Variants in ANKRD13B observed in about 807,000 individuals in gnomAD.
ANKRD13B encodes ankyrin repeat domain-containing protein 13B.
Under a neutral mutation model 74.4 loss-of-function variants are expected in ANKRD13B, and 33 were observed. That is an observed-to-expected ratio of 0.44 (90% confidence interval 0.34 to 0.59). The LOEUF (loss-of-function observed/expected upper bound fraction) is 0.59. ANKRD13B is among the 20% of genes least tolerant of loss of function. The probability of loss-of-function intolerance (pLI) is 0.02; values close to 1 mark genes in which losing one functional copy is unlikely to be tolerated. For synonymous variants in ANKRD13B, 341 were observed against 362.9 expected (o/e 0.94, Z 0.68); for missense variants, 676 against 877.9 (o/e 0.77, Z 2.91).
Position 29,611,202 on chromosome 17 carries a change from AG to A in ANKRD13B, c.905-373del, listed in dbSNP as rs2034567760. On this transcript the variant is annotated intron_variant, in intron 8 of 14. Transcript: ENST00000394859. This position sits in a 1 kb window ranked among gnomAD's most constrained non-coding sequence, Gnocchi z 4.3. ...TGAAAAAGCATAATTTCTACCTCAC[AG>A]GGGAACAACATGAAATCATGCCTAT... Among the ~76,000 whole-genome samples the A allele has an allele frequency of 6.6e-6, 1 of 152,220 alleles. No homozygotes were observed.
In ANKRD13B at chr17:29,613,362, C is replaced by T. The variant is rs1327232458; in HGVS notation, c.1661C>T (p.Pro554Leu). 3 of 1,461,730 alleles carry T rather than the reference C, an allele frequency of 2.1e-6. No individual in the cohort carries two copies. The highest frequency in any genetic ancestry group is 9.0e-7 in the Non-Finnish European group (1 of 1,115,016). 90.5% of individuals were successfully genotyped at this position (1,461,730 alleles called of 1,614,324 possible). ...TCCTTCCCCACCCCCAGGAGCGCCC[C>T]GCCCACGCCGCAGCGCCAGCCTGCG... ...YEGRRQDRSA[P>L]PTPQRQPAPP... Residue 554 changes from proline to leucine, a missense_variant, in exon 15 of 15, where the codon CCG (proline) becomes CTG (leucine). By Grantham distance (98) the Pro-to-Leu change is moderately conservative (BLOSUM62 -3). Coordinates refer to ENST00000394859, the MANE Select transcript of ANKRD13B (RefSeq NM_152345.5).
In ANKRD13B at chr17:29,593,754, C is replaced by T; in HGVS notation, c.114+19C>T. On this transcript the variant is annotated intron_variant, in intron 1 of 14. Coordinates refer to ENST00000394859, the MANE Select transcript of ANKRD13B (RefSeq NM_152345.5). ...GGGCCAGGTAGGAGCGCCTTCGGGG[C>T]GCCGCGGGGACCCCGCGGCCGGGCA... The T allele has an allele frequency of 7.3e-7, 1 of 1,360,584 alleles. No homozygotes were observed. The highest frequency in any genetic ancestry group is 3.4e-5 in the Admixed American group (1 of 29,216). 84.3% of individuals were successfully genotyped at this position (1,360,584 alleles called of 1,614,324 possible).
At chr17:29,600,022 G>A (rs1001919869) in intron 1 of ANKRD13B, among the ~76,000 whole-genome samples, 24 of 151,512 alleles carry the variant, frequency 1.6e-4, no homozygotes, top group African/African-American at 2.9e-4. Context: ...GACTACAGGC[G>A]CCCGCCACCA....
intron 8 of ANKRD13B, 144 bp downstream of exon 8, chr17:29,610,910 C>A: frequency 1.2e-6 from 1 of 829,766 alleles, no homozygotes; most frequent in Non-Finnish European, 1.9e-6. Flanking sequence ...AATTCAGGTG[C>A]CAAGCCCTAA....
chr17:29,594,800 A>G (rs2033895609), intron 1 of ANKRD13B, among the ~76,000 whole-genome samples: 1 of 152,090 alleles, frequency 6.6e-6, no homozygotes, highest in East Asian at 1.9e-4. Flanking sequence ...TTACCTTCTG[A>G]GGGCTGCTTA....
chr17:29,607,162 A>G (rs572192958), intron 1 of ANKRD13B, among the ~76,000 whole-genome samples: 6 of 152,352 alleles, frequency 3.9e-5, no homozygotes, highest in Non-Finnish European at 8.8e-5. Flanking sequence ...GATTTGTACA[A>G]ATTTTAATGC....
In ANKRD13B at chr17:29,608,859, G is replaced by C; in HGVS notation, c.430G>C (p.Val144Leu). 1 of 1,614,134 alleles carries C rather than the reference G, an allele frequency of 6.2e-7. No individual in the cohort carries two copies. The highest frequency in any genetic ancestry group is 1.1e-5 in the South Asian group (1 of 91,086). Residue 144 changes from valine (V) to leucine (L), a missense_variant, in exon 5 of 15, where the codon GTG (valine) becomes CTG (leucine). Val to Leu is a conservative substitution (Grantham distance 32). Coordinates refer to ENST00000394859, the MANE Select transcript of ANKRD13B (RefSeq NM_152345.5). The surrounding 1 kb of genome is among the most constrained non-coding windows in gnomAD (Gnocchi z 6.4). ...KWEFTSWVPL[V>L]SKICPSDTYK... The stretch of plus-strand genomic sequence containing the variant: ...ACCTCCGCTTCCACCAGTGCCCCTG[G>C]TGTCCAAGATCTGCCCTAGTGACAC...
rs1415218763 is a variant in ANKRD13B, at chr17:29,613,507, G to A, written c.1806G>A (p.Glu602=). The A allele has an allele frequency of 2.0e-6, 3 of 1,529,678 alleles. No homozygotes were observed. Among genetic ancestry groups the A allele is most frequent in the Non-Finnish European group, 2.6e-6 (3 of 1,140,634 alleles). 94.8% of individuals were successfully genotyped at this position (1,529,678 alleles called of 1,614,324 possible). Residue 602 remains glutamate, a synonymous_variant, in exon 15 of 15, where the codon GAG becomes GAA. Coordinates refer to ENST00000394859, the MANE Select transcript of ANKRD13B (RefSeq NM_152345.5). The part of the protein sequence containing the change: ...LAMELSAQEQ[E]ERRRRARQEE... ...TGGAACTGTCGGCGCAGGAGCAGGA[G>A]GAGAGGCGGCGGCGCGCGCGCCAGG...
chr17:29,599,865 G>GTTGTTGTTTT (rs2034090930), intron 1 of ANKRD13B, among the ~76,000 whole-genome samples: 1 of 50,772 alleles, frequency 2.0e-5, no homozygotes, highest in African/African-American at 7.4e-5. Context: ...CATCTAATTT[G>GTTGTTGTTTT]TTTTTTTTTT....
At chr17:29,598,285 A>G (rs2034031007) in intron 1 of ANKRD13B, among the ~76,000 whole-genome samples, 1 of 152,168 alleles carries the variant, frequency 6.6e-6, no homozygotes, top group Non-Finnish European at 1.5e-5. Context: ...AATTATATAA[A>G]TAATCTTAAA....
At chr17:29,607,688 G>A in intron 1 of ANKRD13B, 54 bp from the exon 2 acceptor site, 1 of 1,556,860 alleles carries the variant, frequency 6.4e-7, no homozygotes, top group Non-Finnish European at 8.7e-7. Context: ...TGGCTCCGGA[G>A]GGCTGCCTCC....
intron 7 of ANKRD13B, 94 bp from the exon 8 acceptor site, chr17:29,610,591 C>A (rs1357227107): frequency 9.2e-7 from 1 of 1,082,920 alleles, no homozygotes; most frequent in Non-Finnish European, 1.3e-6. Context: ...CTCTCCAGGA[C>A]CCTTTGCTAC....
rs544986780 is a variant in ANKRD13B at position 29,609,708 on chromosome 17, G to A, written c.822+287G>A. ...TTCCCATTTTACGCATGTTTATTGAGTCCTTTCCTTGGCATCCCATTTACT... is the reference window on the plus strand; with the variant it reads ...TTCCCATTTTACGCATGTTTATTGAATCCTTTCCTTGGCATCCCATTTACT... On this transcript the variant is annotated intron_variant, in intron 7 of 14. Coordinates refer to ENST00000394859, the MANE Select transcript of ANKRD13B (RefSeq NM_152345.5). The surrounding 1 kb of genome is among the most constrained non-coding windows in gnomAD (Gnocchi z 4.0). 1.3e-5 allele frequency among the ~76,000 whole-genome samples: 2 copies of A among 152,314 alleles called. No individual in the cohort carries two copies. Among genetic ancestry groups the A allele is most frequent in the South Asian group, 4.1e-4 (2 of 4,828 alleles).
chr17:29,610,190 T>TA (rs770944356), intron 7 of ANKRD13B, among the ~76,000 whole-genome samples: 5,936 of 95,438 alleles, frequency 0.062, 185 homozygotes, highest in Middle Eastern at 0.1. Flanking sequence ...AGACTCCATC[T>TA]AAAAAAAAAA....
rs1410853383 is a variant in ANKRD13B, at chr17:29,609,948, C to T, written c.822+527C>T. Reference sequence around the variant, plus strand: ...GTGGCTCATGCCTGTAATCCCAGCGCTTTGGGAGGCCGAGGTGAGCGGATC... The same window carrying T: ...GTGGCTCATGCCTGTAATCCCAGCGTTTTGGGAGGCCGAGGTGAGCGGATC... On this transcript the variant is annotated intron_variant, in intron 7 of 14. Transcript: ENST00000394859. This position sits in a 1 kb window ranked among gnomAD's most constrained non-coding sequence, Gnocchi z 4.0. Among the ~76,000 whole-genome samples, 1 of 152,074 alleles carries T rather than the reference C, an allele frequency of 6.6e-6. No homozygotes were observed. The highest frequency in any genetic ancestry group is 1.5e-5 in the Non-Finnish European group (1 of 68,012).
chr17:29,609,215 G>A lies in ANKRD13B; in HGVS notation c.695G>A (p.Ser232Asn), dbSNP rs2034493547. 6.8e-6 allele frequency: 11 copies of A among 1,612,992 alleles called. No individual in the cohort carries two copies. The highest frequency in any genetic ancestry group is 9.3e-6 in the Non-Finnish European group (11 of 1,179,998). Residue 232 changes from serine to asparagine, a missense_variant, in exon 6 of 15, where the codon AGC (serine) becomes AAC (asparagine). Around this residue, in one of 4 missense-constraint regions of ANKRD13B, gnomAD observed 328 missense variants for 518.4 expected, o/e 0.63. Coordinates refer to ENST00000394859, the MANE Select transcript of ANKRD13B (RefSeq NM_152345.5). This position sits in a 1 kb window ranked among gnomAD's most constrained non-coding sequence, Gnocchi z 4.0. ...AAQPTEEQVL[S>N]RLTAPVVTTQ... is the part of the protein sequence containing the mutation. ...CAGCCCACTGAGGAACAGGTGCTGA[G>A]CCGGCTTACCGCGCCCGTCGTCACC...
Position 29,609,097 on chromosome 17 carries a change from G to T in ANKRD13B, c.577G>T (p.Val193Leu), listed in dbSNP as rs147534314. Residue 193 changes from valine (V) to leucine (L), a missense_variant, in exon 6 of 15, where the codon GTG becomes TTG. Physicochemically the swap from Val to Leu is conservative, Grantham distance 32. Around this residue, in one of 4 missense-constraint regions of ANKRD13B, gnomAD observed 328 missense variants for 518.4 expected, o/e 0.63. Transcript: ENST00000394859. This position sits in a 1 kb window ranked among gnomAD's most constrained non-coding sequence, Gnocchi z 4.0. ...FVFRGQDTSAVVMEIDHDRRV... is the reference protein window; with the variant it reads ...FVFRGQDTSALVMEIDHDRRV... ...TCCGTGTCTGGCAGACACAAGCGCC[G>T]TGGTCATGGAGATTGACCACGACCG... The T allele has an allele frequency of 6.2e-7, 1 of 1,610,598 alleles. No homozygotes were observed. The highest frequency in any genetic ancestry group is 8.5e-7 in the Non-Finnish European group (1 of 1,179,642).
At chr17:29,597,162 G>C (rs1235899279) in intron 1 of ANKRD13B, among the ~76,000 whole-genome samples, 2 of 152,158 alleles carry the variant, frequency 1.3e-5, no homozygotes, top group Non-Finnish European at 2.9e-5. Flanking sequence ...CGCAAGCACT[G>C]TGTTTAGTCC....
chr17:29,612,059 C>T lies in ANKRD13B; in HGVS notation c.1100+53C>T, dbSNP rs1289625190. ...TGGGGGGCCGGGGCTCCAGGAGATG[C>T]TGGGAGGCCATGGCTTCCTGCAGTG... is the stretch of plus-strand genomic sequence containing the variant. On this transcript the variant is annotated intron_variant, in intron 10 of 14. Coordinates refer to ENST00000394859, the MANE Select transcript of ANKRD13B (RefSeq NM_152345.5). This position sits in a 1 kb window ranked among gnomAD's most constrained non-coding sequence, Gnocchi z 6.1. 4.4e-6 allele frequency: 7 copies of T among 1,608,512 alleles called. No homozygotes were observed. The African/African-American group carries it at 8.0e-5, about 18-fold the overall frequency.
Sources: allele counts gnomAD v4.1 joint callset (sites outside exome capture counted in the v4.1 genomes callset), GRCh38; gene constraint gnomAD v4.1.1; regional missense constraint gnomAD v4.1.1; non-coding constraint Gnocchi (gnomAD v3.1); transcripts MANE v1.5; gene names NCBI Gene and HGNC (gene_info 2026-07-23, HGNC 2026-07-21).